KLHDC2: variants seen among roughly 807,000 people sequenced by gnomAD.
The protein encoded by KLHDC2 is kelch domain-containing protein 2.
Under a neutral mutation model 62.3 loss-of-function variants are expected in KLHDC2, and 38 were observed. That is an observed-to-expected ratio of 0.61 (90% CI 0.47 to 0.80). KLHDC2 has a LOEUF of 0.80. KLHDC2 is among the 30% of genes least tolerant of loss of function. KLHDC2 has a pLI of 0.00. For missense variants in KLHDC2, 430 were observed against 495.3 expected (o/e 0.87, Z 1.25); for synonymous variants, 159 against 161.0 (o/e 0.99, Z 0.09).
At chr14:49,777,711 G>A in intron 3 of KLHDC2, 128 bp from the exon 4 acceptor site, 1 of 565,734 alleles carries the variant, frequency 1.8e-6, no homozygotes, top group Non-Finnish European at 3.1e-6. Flanking sequence ...CTGGCAGCCA[G>A]TCTGCAGTCA....
At chr14:49,768,725 G>A (rs182332158) in intron 1 of KLHDC2, 104 bp downstream of exon 1, 4 of 1,111,124 alleles carry the variant, frequency 3.6e-6, no homozygotes, top group Non-Finnish European at 4.9e-6. Context: ...GGCGCTCCCC[G>A]CCTGCGTCGC....
In KLHDC2 at chr14:49,778,404, T is replaced by C; in HGVS notation, c.550-7T>C. The C allele has an allele frequency of 6.6e-7, 1 of 1,517,424 alleles. No homozygotes were observed. The highest frequency in any genetic ancestry group is 9.1e-7 in the Non-Finnish European group (1 of 1,103,056). The allele number at this position is 1,517,424 out of a possible 1,614,324, so 94.0% of individuals were successfully genotyped here. A position where few individuals can be genotyped will look rare whatever the true frequency, so the allele number is the denominator to read the frequency against. ...TCTAAAATAACGCGGATTCTTATTT[T>C]CTGTAGAATTCAAGTCATCCAAGAG... On this transcript the variant is annotated splice_polypyrimidine_tract_variant and splice_region_variant and intron_variant, in intron 5 of 12. Coordinates refer to ENST00000298307, the MANE Select transcript of KLHDC2 (RefSeq NM_014315.3).
Position 49,782,670 on chromosome 14 carries a change from G to A in KLHDC2, c.1097+76G>A. 2.9e-6 allele frequency: 4 copies of A among 1,381,678 alleles called. 1 individual carries two copies. In the South Asian group the frequency reaches 5.3e-5, roughly 18 times the overall value. 85.6% of individuals were successfully genotyped at this position (1,381,678 alleles called of 1,614,324 possible). ...AGACTTAGCACTCTCGAAAAACTAG[G>A]TTTATGGATTATTTAAGGGCAATAA... On this transcript the variant is annotated intron_variant, in intron 12 of 12. Transcript: ENST00000298307.
At chr14:49,768,771 T>A (rs1376358074) in intron 1 of KLHDC2, 150 bp downstream of exon 1, 3 of 681,724 alleles carry the variant, frequency 4.4e-6, no homozygotes, top group Non-Finnish European at 6.8e-6. Context: ...TGGTTGTTTT[T>A]TTTTTGCGCG....
chr14:49,781,786 C>A (rs966623854), intron 10 of KLHDC2, among the ~76,000 whole-genome samples: 1 of 151,740 alleles, frequency 6.6e-6, no homozygotes, highest in East Asian at 1.9e-4. Context: ...GAAATCAAAT[C>A]ATCCAAAAAA....
intron 8 of KLHDC2, 65 bp downstream of exon 8, chr14:49,779,871 T>C: frequency 4.5e-6 from 5 of 1,119,806 alleles, no homozygotes; most frequent in Non-Finnish European, 6.8e-6. Flanking sequence ...TTCCCTACTA[T>C]TGGTATATAA....
intron 8 of KLHDC2, 23 bp from the exon 9 acceptor site, chr14:49,780,190 T>G: frequency 7.1e-7 from 1 of 1,402,732 alleles, no homozygotes; most frequent in East Asian, 2.3e-5. Flanking sequence ...ATGCAGATAT[T>G]GTAACTTAGC....
At position 49,780,497 on chromosome 14, in the gene KLHDC2, A is replaced by G. The variant is rs186707054; in HGVS notation, c.883+175A>G. The G allele has an allele frequency of 8.8e-5, 56 of 637,366 alleles. No individual in the cohort carries two copies. The East Asian group carries it at 1.3e-3, about 15-fold the overall frequency. 39.5% of individuals were successfully genotyped at this position (637,366 alleles called of 1,614,324 possible). On this transcript the variant is annotated intron_variant, in intron 9 of 12. Coordinates refer to ENST00000298307, the MANE Select transcript of KLHDC2 (RefSeq NM_014315.3). ...GTACTATATGGCATACTTCTGTTCA[A>G]TAAAGAACCTGGAGCACTTAAGAGC...
Position 49,783,202 on chromosome 14 carries a change from A to AT in KLHDC2, c.*253dup, listed in dbSNP as rs1889994444. ...TTTTACCCTGAAGAATGGTTGCTAC[A>AT]TTTTCTTTTCAGTAACTTCAGGATA... On this transcript the variant is annotated 3_prime_UTR_variant, in exon 13 of 13. Transcript: ENST00000298307. The AT allele has an allele frequency of 3.2e-6, 1 of 309,044 alleles. No individual in the cohort carries two copies. The highest frequency in any genetic ancestry group is 5.9e-6 in the Non-Finnish European group (1 of 169,976). 19.1% of individuals were successfully genotyped at this position (309,044 alleles called of 1,614,324 possible). A position where few individuals can be genotyped will look rare whatever the true frequency, so the allele number is the denominator to read the frequency against.
Position 49,784,736 on chromosome 14 carries a change from T to C in KLHDC2, c.*1783T>C, listed in dbSNP as rs1890077439. The C allele has an allele frequency of 6.3e-7, 1 of 1,581,086 alleles. No homozygotes were observed. The highest frequency in any genetic ancestry group is 1.3e-5 in the African/African-American group (1 of 74,380). ...GTCCTAAAAAAAGAAAATTGCTGAA[T>C]ATCTTCACATCCTGTATGGTCAATC... On this transcript the variant is annotated 3_prime_UTR_variant, in exon 13 of 13. Coordinates refer to ENST00000298307, the MANE Select transcript of KLHDC2 (RefSeq NM_014315.3).
intron 1 of KLHDC2, 156 bp downstream of exon 1, chr14:49,768,777 G>A: frequency 1.6e-6 from 1 of 636,768 alleles, no homozygotes; most frequent in Non-Finnish European, 2.5e-6. Context: ...TTTTTTTTTT[G>A]CGCGCGGGAA....
At chr14:49,778,342 G>T in intron 5 of KLHDC2, 69 bp from the exon 6 acceptor site, 1 of 1,327,892 alleles carries the variant, frequency 7.5e-7, no homozygotes, top group African/African-American at 1.5e-5. Context: ...TTTTTCTTTG[G>T]TAATCAGGCA....
At chr14:49,777,993 A>G (rs1258233257) in intron 4 of KLHDC2, 39 bp downstream of exon 4, 7 of 1,276,220 alleles carry the variant, frequency 5.5e-6, no homozygotes, top group African/African-American at 4.4e-5. Flanking sequence ...TTTTATGTGT[A>G]AAGTGGTTTA....
chr14:49,784,991 G>A lies in KLHDC2; in HGVS notation c.*2038G>A. ...CTTTGGAATGCATGAAACTATTCAA[G>A]GCTGTTTTTGCAGCTGTAAATACAA... On this transcript the variant is annotated 3_prime_UTR_variant, in exon 13 of 13. Coordinates refer to ENST00000298307, the MANE Select transcript of KLHDC2 (RefSeq NM_014315.3). The A allele has an allele frequency of 6.2e-7, 1 of 1,613,734 alleles. No individual in the cohort carries two copies. The highest frequency in any genetic ancestry group is 8.5e-7 in the Non-Finnish European group (1 of 1,179,790).
intron 1 of KLHDC2, among the ~76,000 whole-genome samples, chr14:49,770,306 T>C (rs1889636078): frequency 6.6e-6 from 1 of 152,270 alleles, no homozygotes; most frequent in East Asian, 1.9e-4. Context: ...TTGGAGATTG[T>C]TTCAAAGGCA....
At chr14:49,780,873 C>A in intron 10 of KLHDC2, 98 bp downstream of exon 10, 3 of 739,470 alleles carry the variant, frequency 4.1e-6, no homozygotes, top group South Asian at 1.5e-5. Context: ...AAAATCTCAG[C>A]ATTCACTAAG....
intron 8 of KLHDC2, 38 bp from the exon 9 acceptor site, chr14:49,780,175 T>C: frequency 2.4e-6 from 3 of 1,267,222 alleles, no homozygotes; most frequent in Non-Finnish European, 3.5e-6. Flanking sequence ...AGTAGCTGCT[T>C]CTAAATGCAG....
intron 10 of KLHDC2, among the ~76,000 whole-genome samples, chr14:49,781,835 A>G (rs922022644): frequency 6.6e-6 from 1 of 152,254 alleles, no homozygotes. Flanking sequence ...TGTTAATCTC[A>G]GAACAAAATG....
Position 49,780,246 on chromosome 14 carries a change from T to C in KLHDC2, c.807T>C (p.Ser269=). 1.2e-6 allele frequency: 2 copies of C among 1,613,728 alleles called. No homozygotes were observed. Among genetic ancestry groups the C allele is most frequent in the South Asian group, 2.2e-5 (2 of 91,082 alleles). The change falls in exon 9 of 13, where the codon TCT becomes TCC. Residue 269 remains serine (S), a synonymous_variant. Coordinates refer to ENST00000298307, the MANE Select transcript of KLHDC2 (RefSeq NM_014315.3). The stretch of plus-strand genomic sequence containing the variant: ...AAGGCATATGCCCAGTTGGTCGATC[T>C]TGGCACTCACTAACACCAGTTTCTT... ...IPQGICPVGR[S]WHSLTPVSSD...
Sources: gnomAD v4.1 joint callset for allele counts (sites outside exome capture counted in the v4.1 genomes callset) on GRCh38, gnomAD v4.1.1 for gene constraint, MANE v1.5 for transcripts, NCBI Gene and HGNC (gene_info 2026-07-23, HGNC 2026-07-21) for gene names.